The following ACBD6 variants were observed in gnomAD, a reference collection of about 807,000 sequenced individuals.
ACBD6 encodes acyl-CoA-binding domain-containing protein 6.
ACBD6 carries 28 observed loss-of-function variants against 37.2 expected under a neutral mutation model. The ratio of observed to expected loss-of-function variants is 0.75; its 90% CI spans 0.56 to 1.03. ACBD6 has a LOEUF of 1.03. ACBD6 is among the 50% of genes least tolerant of loss of function. ACBD6 has a pLI of 0.00. For synonymous variants in ACBD6, 113 were observed against 126.8 expected, an observed-to-expected ratio of 0.89 and a Z score of 0.73; for missense variants, 340 against 337.4, an observed-to-expected ratio of 1.01 and a Z score of -0.06.
chr1:180,378,462 A>G (rs748852826), intron 6 of ACBD6, among the ~76,000 whole-genome samples: 1 of 152,192 alleles, frequency 6.6e-6, no homozygotes, highest in Non-Finnish European at 1.5e-5. Context: ...TATCATACCA[A>G]TGTTAATGTC....
intron 3 of ACBD6, among the ~76,000 whole-genome samples, chr1:180,443,779 AT>A (rs71121019): frequency 0.6 from 80,518 of 133,966 alleles, 24,459 homozygotes; most frequent in East Asian, 0.89. Flanking sequence ...CGCCCAGCTA[AT>A]TTTTTTTTTT....
intron 6 of ACBD6, chr1:180,326,492 G>C (rs916817930): frequency 1.3e-5 from 2 of 152,444 alleles, no homozygotes; most frequent in Non-Finnish European, 2.9e-5. Context: ...AGCTGTCCAA[G>C]AGCCTAGGCA....
At chr1:180,495,105 C>T (rs1421529574) in intron 2 of ACBD6, among the ~76,000 whole-genome samples, 1 of 152,172 alleles carries the variant, frequency 6.6e-6, no homozygotes, top group East Asian at 1.9e-4. Context: ...TTCTGCCCTT[C>T]CCATCATTCT....
rs1463817003 is a variant in ACBD6 at position 180,305,494 on chromosome 1, T to C, written c.694+9198A>G. On this transcript the variant is annotated intron_variant, in intron 7 of 7. Transcript: ENST00000367595. ...GACATTTATGCAGCCAAAAGACACA[T>C]GAAAAAATGCTCATCATCACTGGCC... Among the ~76,000 whole-genome samples, 3 of 151,994 alleles carry C rather than the reference T, an allele frequency of 2.0e-5. No individual in the cohort carries two copies. In the East Asian group the frequency reaches 5.8e-4, roughly 29 times the overall value.
intron 6 of ACBD6, among the ~76,000 whole-genome samples, chr1:180,344,160 G>C (rs76114002): frequency 0.02 from 3,009 of 152,248 alleles, 101 homozygotes; most frequent in African/African-American, 0.068. Context: ...AAACAGCAAA[G>C]AATAAAGAGC....
intron 3 of ACBD6, among the ~76,000 whole-genome samples, chr1:180,488,485 A>C (rs1393774374): frequency 6.6e-6 from 1 of 152,192 alleles, no homozygotes; most frequent in African/African-American, 2.4e-5. Context: ...TATATTTCCA[A>C]TATCAGCTGT....
intron 1 of ACBD6, 37 bp downstream of exon 1, chr1:180,502,008 T>C (rs1218949217): frequency 6.2e-7 from 1 of 1,601,778 alleles, no homozygotes; most frequent in Admixed American, 1.7e-5. Context: ...AGGCTCCGTG[T>C]CTTTCTCCCC....
At chr1:180,501,751 T>C (rs2102110986) in intron 1 of ACBD6, among the ~76,000 whole-genome samples, 1 of 152,122 alleles carries the variant, frequency 6.6e-6, no homozygotes, top group South Asian at 2.1e-4. Flanking sequence ...CCTCATTTTG[T>C]AAAGGTTCTT....
intron 3 of ACBD6, among the ~76,000 whole-genome samples, chr1:180,483,674 G>T (rs1037157712): frequency 5.9e-5 from 9 of 152,020 alleles, no homozygotes; most frequent in African/African-American, 2.2e-4. Context: ...TACAGATTAG[G>T]ATACAATTAT....
At chr1:180,388,580 CA>C (rs1393245961) in intron 6 of ACBD6, among the ~76,000 whole-genome samples, 1 of 148,596 alleles carries the variant, frequency 6.7e-6, no homozygotes, top group Non-Finnish European at 1.5e-5. Context: ...ATGCAGGATA[CA>C]GATCAATAAA....
At chr1:180,443,434 G>T (rs1649359104) in intron 3 of ACBD6, among the ~76,000 whole-genome samples, 1 of 152,062 alleles carries the variant, frequency 6.6e-6, no homozygotes, top group Non-Finnish European at 1.5e-5. Context: ...CAGCCAAAGG[G>T]ACCCCTCTGC....
At chr1:180,290,805 A>G (rs1649670683) in intron 7 of ACBD6, among the ~76,000 whole-genome samples, 1 of 152,240 alleles carries the variant, frequency 6.6e-6, no homozygotes, top group African/African-American at 2.4e-5. Context: ...CTGCTGGCTC[A>G]GGGAAGCAGT....
At chr1:180,322,109 T>C (rs1379780119) in intron 6 of ACBD6, among the ~76,000 whole-genome samples, 4 of 152,190 alleles carry the variant, frequency 2.6e-5, no homozygotes, top group East Asian at 1.9e-4. Flanking sequence ...TCAGCATCAA[T>C]TGAAATGATC....
chr1:180,278,675 G>T (rs929368749), intron 9 of ACBD6: 2 of 151,400 alleles, frequency 1.3e-5, no homozygotes, highest in Admixed American at 6.6e-5. Context: ...AAACAAGCAG[G>T]TTCAGGGCTG....
At chr1:180,390,778 G>A (rs1370800995) in intron 6 of ACBD6, among the ~76,000 whole-genome samples, 1 of 152,060 alleles carries the variant, frequency 6.6e-6, no homozygotes, top group African/African-American at 2.4e-5. Context: ...GTGAATGGGA[G>A]TTCACACAAT....
intron 3 of ACBD6, among the ~76,000 whole-genome samples, chr1:180,443,779 ATTT>A (rs71121019): frequency 1.2e-4 from 16 of 134,082 alleles, no homozygotes; most frequent in African/African-American, 3.3e-4. Context: ...CGCCCAGCTA[ATTT>A]TTTTTTTTTT....
intron 6 of ACBD6, among the ~76,000 whole-genome samples, chr1:180,387,213 A>G (rs1394843752): frequency 1.3e-5 from 2 of 152,104 alleles, no homozygotes; most frequent in Admixed American, 1.3e-4. Flanking sequence ...CCCTTCTGTC[A>G]TGTTAATTTT....
chr1:180,479,559 A>G (rs991092692), intron 3 of ACBD6, among the ~76,000 whole-genome samples: 4 of 152,212 alleles, frequency 2.6e-5, no homozygotes, highest in Non-Finnish European at 5.9e-5. Context: ...ACAGTAAGAA[A>G]GAAGGAATAA....
intron 3 of ACBD6, among the ~76,000 whole-genome samples, chr1:180,485,957 AT>A (rs951176737): frequency 3.3e-5 from 5 of 152,142 alleles, no homozygotes; most frequent in African/African-American, 4.8e-5. Flanking sequence ...AAAAAAAAAA[AT>A]GATTTTAATG....
Sources: allele counts gnomAD v4.1 joint callset (sites outside exome capture counted in the v4.1 genomes callset), GRCh38; gene constraint gnomAD v4.1.1; transcripts MANE v1.5; gene names NCBI Gene and HGNC (gene_info 2026-07-23, HGNC 2026-07-21).